The following SIL1 variants were observed in gnomAD, a reference collection of about 807,000 sequenced individuals.
SIL1 encodes the protein nucleotide exchange factor SIL1.
Under a neutral mutation model 49.1 loss-of-function variants are expected in SIL1, and 40 were observed. That is an observed-to-expected ratio of 0.81 (90% confidence interval 0.63 to 1.06). The LOEUF (loss-of-function observed/expected upper bound fraction) is 1.06. Ranked by LOEUF, SIL1 falls within the 50% of genes least tolerant of loss-of-function variation. The pLI is 0.00. For synonymous variants in SIL1, 253 were observed against 250.8 expected, an observed-to-expected ratio of 1.01 and a Z score of -0.08; for missense variants, 500 against 572.6, an observed-to-expected ratio of 0.87 and a Z score of 1.29.
intron 1 of SIL1, among the ~76,000 whole-genome samples, chr5:139,149,960 G>A (rs1751265483): frequency 6.6e-6 from 1 of 152,150 alleles, no homozygotes; most frequent in African/African-American, 2.4e-5. Context: ...TGGTGAATGA[G>A]AGATAAGAGA....
At chr5:139,020,828 G>A (rs556185494) in intron 7 of SIL1, among the ~76,000 whole-genome samples, 4 of 152,310 alleles carry the variant, frequency 2.6e-5, no homozygotes, top group South Asian at 2.1e-4. Context: ...GTCACTAGAT[G>A]TAGCTTTACT....
At chr5:139,133,541 T>C (rs1750911804) in intron 1 of SIL1, 1 of 152,250 alleles carries the variant, frequency 6.6e-6, no homozygotes, top group South Asian at 2.1e-4. Context: ...GGGATGAGGA[T>C]GGCAAGAAGC....
intron 3 of SIL1, among the ~76,000 whole-genome samples, chr5:139,085,124 G>C (rs1389026776): frequency 6.6e-6 from 1 of 152,132 alleles, no homozygotes; most frequent in Non-Finnish European, 1.5e-5. Flanking sequence ...GCTAAGGGAC[G>C]GGGGAGTGGA....
intron 7 of SIL1, among the ~76,000 whole-genome samples, chr5:139,010,725 T>G (rs1238446595): frequency 6.6e-6 from 1 of 151,776 alleles, no homozygotes; most frequent in East Asian, 1.9e-4. Flanking sequence ...CCCTGCCGTG[T>G]GATGTGTCAG....
At chr5:139,197,336 G>A (rs1052957449) in intron 1 of SIL1, among the ~76,000 whole-genome samples, 1 of 149,038 alleles carries the variant, frequency 6.7e-6, no homozygotes, top group Admixed American at 6.7e-5. Flanking sequence ...AAATATGTAA[G>A]TTTCATTCTC....
chr5:139,128,083 C>A, intron 1 of SIL1: 2 of 548,648 alleles, frequency 3.6e-6, no homozygotes, highest in Non-Finnish European at 7.0e-6. Flanking sequence ...GATCAGGACT[C>A]CTGCATAAGC....
At position 139,035,338 on chromosome 5, in the gene SIL1, T is replaced by C. The variant is rs540350774; in HGVS notation, c.453+7282A>G. The C allele has an allele frequency of 7.5e-4, 395 of 529,944 alleles. 1 individual carries two copies. Among genetic ancestry groups the C allele is most frequent in the Non-Finnish European group, 1.3e-3 (341 of 268,690 alleles). 32.8% of individuals were successfully genotyped at this position (529,944 alleles called of 1,614,324 possible). A position where few individuals can be genotyped will look rare whatever the true frequency, so the allele number is the denominator to read the frequency against. On this transcript the variant is annotated intron_variant, in intron 5 of 9. Transcript: ENST00000394817. Reference sequence around the variant, plus strand: ...TTGACAATCTCATCACAAGTGATATTTCCACTGTGTTTGATGTTTTTCCAT... The same window carrying C: ...TTGACAATCTCATCACAAGTGATATCTCCACTGTGTTTGATGTTTTTCCAT...
intron 7 of SIL1, among the ~76,000 whole-genome samples, chr5:138,973,564 T>G (rs1767329848): frequency 6.6e-6 from 1 of 152,102 alleles, no homozygotes; most frequent in Non-Finnish European, 1.5e-5. Flanking sequence ...CAGGCTCAAC[T>G]GATCCTCCTG....
At chr5:139,051,320 C>T (rs965453817) in intron 3 of SIL1, 4 of 485,550 alleles carry the variant, frequency 8.2e-6, no homozygotes, top group Non-Finnish European at 1.5e-5. Context: ...CAGTTAGAAC[C>T]TGCATATTTA....
chr5:139,169,840 C>CTACGG (rs1561888489), intron 1 of SIL1, among the ~76,000 whole-genome samples: 2 of 151,892 alleles, frequency 1.3e-5, no homozygotes, highest in South Asian at 2.1e-4. Flanking sequence ...TCCCCTCTCC[C>CTACGG]TCTCCCCACG....
chr5:139,127,907 C>T, intron 1 of SIL1, 54 bp from the exon 2 acceptor site: 1 of 1,120,970 alleles, frequency 8.9e-7, no homozygotes, highest in Non-Finnish European at 1.3e-6. Flanking sequence ...ATGCTTGGTT[C>T]CCCCGCACTG....
intron 7 of SIL1, among the ~76,000 whole-genome samples, chr5:139,015,941 G>A (rs1768388858): frequency 6.6e-6 from 1 of 152,094 alleles, no homozygotes; most frequent in African/African-American, 2.4e-5. Context: ...AAAAGGGGGA[G>A]GCCAGGCACA....
chr5:139,177,126 G>T (rs1751901305), intron 1 of SIL1, among the ~76,000 whole-genome samples: 1 of 152,058 alleles, frequency 6.6e-6, no homozygotes, highest in African/African-American at 2.4e-5. Context: ...TAGAGATGGG[G>T]TTTCACCATG....
intron 5 of SIL1, among the ~76,000 whole-genome samples, chr5:139,029,639 C>A (rs1351525459): frequency 6.6e-6 from 1 of 151,460 alleles, no homozygotes; most frequent in South Asian, 2.1e-4. Flanking sequence ...GTTAGGACTA[C>A]AGGCACAAGT....
chr5:139,140,634 A>G (rs1751061491), intron 1 of SIL1, among the ~76,000 whole-genome samples: 1 of 152,156 alleles, frequency 6.6e-6, no homozygotes, highest in Non-Finnish European at 1.5e-5. Context: ...GGGAGCCATA[A>G]CTCACGGCTT....
At chr5:139,157,712 T>C (rs75300528) in intron 1 of SIL1, among the ~76,000 whole-genome samples, 9,287 of 152,270 alleles carry the variant, frequency 0.061, 381 homozygotes, top group Middle Eastern at 0.12. Flanking sequence ...TAATGATGTC[T>C]TGGTAACAGA....
intron 7 of SIL1, among the ~76,000 whole-genome samples, chr5:138,991,664 C>T (rs1448939677): frequency 6.6e-6 from 1 of 152,212 alleles, no homozygotes; most frequent in Admixed American, 6.5e-5. Flanking sequence ...TCCCTCTATC[C>T]TTGACAGATT....
intron 3 of SIL1, among the ~76,000 whole-genome samples, chr5:139,107,458 C>T (rs553014767): frequency 6.6e-6 from 1 of 152,226 alleles, no homozygotes; most frequent in Admixed American, 6.5e-5. Flanking sequence ...CTGCTATTAA[C>T]GTCTTACAAA....
chr5:139,189,652 T>C (rs1752133489), intron 1 of SIL1, among the ~76,000 whole-genome samples: 1 of 152,140 alleles, frequency 6.6e-6, no homozygotes, highest in African/African-American at 2.4e-5. Context: ...TGAAACCTCA[T>C]CTCTACTAAA....
Sources: allele counts gnomAD v4.1 joint callset (sites outside exome capture counted in the v4.1 genomes callset), GRCh38; gene constraint gnomAD v4.1.1; transcripts MANE v1.5; gene names NCBI Gene and HGNC (gene_info 2026-07-23, HGNC 2026-07-21).